Variants in ARB2A observed in about 807,000 individuals in gnomAD.
ARB2A encodes ARB2 cotranscriptional regulator A.
the ARB2A span, among the ~76,000 whole-genome samples, chr5:94,026,616 T>C: frequency 5.3e-5 from 8 of 151,944 alleles, no homozygotes; most frequent in African/African-American, 1.9e-4. Flanking sequence ...AAGAACCAAT[T>C]AGGGAAGAGT....
chr5:94,090,375 G>A, the ARB2A span, among the ~76,000 whole-genome samples: 2 of 152,142 alleles, frequency 1.3e-5, no homozygotes, highest in African/African-American at 4.8e-5. Flanking sequence ...CATTGATTTT[G>A]TATCCTGAGA....
chr5:93,986,827 AAG>A, the ARB2A span, among the ~76,000 whole-genome samples: 14 of 152,106 alleles, frequency 9.2e-5, no homozygotes, highest in African/African-American at 3.4e-4. Flanking sequence ...CATGCTAGTT[AAG>A]AGTCATCACC....
At chr5:93,678,708 A>G in the ARB2A span, among the ~76,000 whole-genome samples, 1 of 152,056 alleles carries the variant, frequency 6.6e-6, no homozygotes, top group Non-Finnish European at 1.5e-5. Context: ...GTGAGCAGAG[A>G]GCGGGCCATT....
chr5:93,939,525 G>A, the ARB2A span, among the ~76,000 whole-genome samples: 8 of 151,958 alleles, frequency 5.3e-5, no homozygotes, highest in Admixed American at 2.6e-4. Context: ...TGGGAAAACT[G>A]AAACTTATTA....
chr5:93,822,490 CT>C, the ARB2A span, among the ~76,000 whole-genome samples: 7 of 152,142 alleles, frequency 4.6e-5, no homozygotes, highest in Admixed American at 4.6e-4. Flanking sequence ...TTTTATAGAA[CT>C]CTAAAATTTG....
the ARB2A span, among the ~76,000 whole-genome samples, chr5:93,827,915 G>A: frequency 2.6e-5 from 4 of 152,236 alleles, no homozygotes; most frequent in African/African-American, 4.8e-5. Context: ...GTAGGCATGC[G>A]GCGTTATTTC....
At chr5:93,623,142 TAC>T in the ARB2A span, among the ~76,000 whole-genome samples, 6 of 151,948 alleles carry the variant, frequency 3.9e-5, no homozygotes, top group Admixed American at 3.3e-4. Context: ...CAGTAATAAC[TAC>T]ACAGTTGCAC....
At chr5:94,061,649 C>T in the ARB2A span, among the ~76,000 whole-genome samples, 2 of 152,076 alleles carry the variant, frequency 1.3e-5, no homozygotes, top group Non-Finnish European at 2.9e-5. Flanking sequence ...TTTCATAAAC[C>T]ATCAATAAAC....
the ARB2A span, among the ~76,000 whole-genome samples, chr5:93,782,287 A>G: frequency 1.3e-5 from 2 of 152,164 alleles, no homozygotes; most frequent in African/African-American, 4.8e-5. Flanking sequence ...TTCATCCTTG[A>G]TTATCACCTT....
the ARB2A span, among the ~76,000 whole-genome samples, chr5:93,832,275 T>C: frequency 6.6e-6 from 1 of 152,124 alleles, no homozygotes; most frequent in Admixed American, 6.6e-5. Flanking sequence ...AAAAATCTTA[T>C]ACCCCACAGA....
At chr5:93,864,915 G>T in the ARB2A span, among the ~76,000 whole-genome samples, 1 of 152,090 alleles carries the variant, frequency 6.6e-6, no homozygotes, top group Non-Finnish European at 1.5e-5. Context: ...GGTAAAGAGG[G>T]ATTCTGGCTT....
At chr5:93,637,407 A>T in the ARB2A span, among the ~76,000 whole-genome samples, 1 of 127,760 alleles carries the variant, frequency 7.8e-6, no homozygotes, top group African/African-American at 2.9e-5. Flanking sequence ...TAAAACATTC[A>T]TGTACAGGTT....
the ARB2A span, among the ~76,000 whole-genome samples, chr5:93,898,876 G>C: frequency 2.6e-5 from 4 of 151,998 alleles, no homozygotes; most frequent in Non-Finnish European, 5.9e-5. Context: ...CACTTCACAT[G>C]TATCATCTCA....
At chr5:93,949,071 C>T in the ARB2A span, among the ~76,000 whole-genome samples, 1 of 152,222 alleles carries the variant, frequency 6.6e-6, no homozygotes, top group Admixed American at 6.5e-5. Flanking sequence ...CTAGCTAACC[C>T]CTGAAGCTGC....
the ARB2A span, among the ~76,000 whole-genome samples, chr5:93,768,356 AC>A: frequency 2.0e-5 from 3 of 151,788 alleles, no homozygotes; most frequent in African/African-American, 7.3e-5. Context: ...GGAAAAAAAA[AC>A]AGAATTGGTC....
chr5:93,754,301 T>A, the ARB2A span, among the ~76,000 whole-genome samples: 1 of 152,244 alleles, frequency 6.6e-6, no homozygotes, highest in Non-Finnish European at 1.5e-5. Context: ...CTTATCTTGA[T>A]TACTGTTAGT....
the ARB2A span, among the ~76,000 whole-genome samples, chr5:93,703,371 T>TA: frequency 2.6e-5 from 4 of 152,236 alleles, no homozygotes; most frequent in Admixed American, 2.6e-4. Flanking sequence ...TACTCATCTG[T>TA]AAAAAAAGAT....
the ARB2A span, among the ~76,000 whole-genome samples, chr5:93,975,208 T>C: frequency 6.7e-6 from 1 of 149,256 alleles, no homozygotes; most frequent in South Asian, 2.1e-4. Flanking sequence ...TCCCAGCTAC[T>C]CCAGAGACTG....
the ARB2A span, chr5:93,964,499 G>T: frequency 6.3e-7 from 1 of 1,581,134 alleles, no homozygotes; most frequent in African/African-American, 1.3e-5. Flanking sequence ...TTTTCCAGGA[G>T]CTCATATACA....
Sources: allele counts gnomAD v4.1 joint callset (sites outside exome capture counted in the v4.1 genomes callset), GRCh38; gene constraint gnomAD v4.1.1; transcripts MANE v1.5; gene names NCBI Gene and HGNC (gene_info 2026-07-23, HGNC 2026-07-21).